Variants in CCDC171 observed in about 807,000 individuals in gnomAD.
CCDC171 encodes coiled-coil domain containing 171, also known as coiled-coil domain-containing protein 171.
A neutral mutation model predicts 168.2 loss-of-function variants in CCDC171; 177 were observed. The ratio of observed to expected loss-of-function variants is 1.05; its 90% confidence interval spans 0.93 to 1.19. The LOEUF is 1.19. Among genes scored for constraint, CCDC171 ranks in the 50% most tolerant of loss-of-function variants. The pLI is 0.00. For missense variants in CCDC171, 1,991 were observed against 1,539.0 expected (o/e 1.29, Z -4.91); for synonymous variants, 687 against 540.8 (o/e 1.27, Z -3.75).
At chr9:15,681,233 AGCTTGATGGATT>A (rs1242322425) in intron 10 of CCDC171, among the ~76,000 whole-genome samples, 1 of 152,154 alleles carries the variant, frequency 6.6e-6, no homozygotes, top group Non-Finnish European at 1.5e-5. Context: ...GTTTCTTCAA[AGCTTGATGGATT>A]GCTAAAAGCA....
intron 6 of CCDC171, among the ~76,000 whole-genome samples, chr9:15,610,898 G>A (rs2043634834): frequency 6.6e-6 from 1 of 152,016 alleles, no homozygotes; most frequent in Non-Finnish European, 1.5e-5. Context: ...TCATTTTGTA[G>A]TAGCCTCTGA....
chr9:15,957,999 T>G (rs998050733), intron 25 of CCDC171, among the ~76,000 whole-genome samples: 1 of 152,094 alleles, frequency 6.6e-6, no homozygotes, highest in African/African-American at 2.4e-5. Context: ...TTAAAGAAAA[T>G]GAAGTTAAAC....
Position 15,971,855 on chromosome 9 carries a change from T to C in CCDC171, c.*19T>C, listed in dbSNP as rs1831395567. The C allele has an allele frequency of 6.3e-7, 1 of 1,576,650 alleles. No individual in the cohort carries two copies. The highest frequency in any genetic ancestry group is 8.7e-7 in the Non-Finnish European group (1 of 1,146,748). On this transcript the variant is annotated 3_prime_UTR_variant, in exon 26 of 26. Transcript: ENST00000380701. ...ATTATGACTTCATGAAATTAAAAAATGGAGGAAGAGTTAACAGTACAATTA... is the reference window on the plus strand; with the variant it reads ...ATTATGACTTCATGAAATTAAAAAACGGAGGAAGAGTTAACAGTACAATTA...
chr9:15,783,292 T>G (rs2057761855), intron 20 of CCDC171, among the ~76,000 whole-genome samples: 3 of 152,220 alleles, frequency 2.0e-5, no homozygotes, highest in Admixed American at 6.5e-5. Context: ...CTATGCACAT[T>G]TCTATTTTTG....
At chr9:16,075,466 T>A in the CCDC171 span, among the ~76,000 whole-genome samples, 2 of 152,208 alleles carry the variant, frequency 1.3e-5, no homozygotes, top group Non-Finnish European at 2.9e-5. Flanking sequence ...GTAGTGTAAG[T>A]TGCTCAGCCT....
intron 7 of CCDC171, among the ~76,000 whole-genome samples, chr9:15,655,314 T>C (rs921108490): frequency 6.6e-6 from 1 of 152,212 alleles, no homozygotes. Context: ...AACTACCCCA[T>C]TGACAGATAG....
chr9:16,061,328 G>T (rs564481071), downstream of CCDC171: 6 of 152,102 alleles, frequency 3.9e-5, no homozygotes, highest in Non-Finnish European at 8.8e-5. Context: ...CATCTTTGAG[G>T]TTCCTTGAGC....
chr9:15,627,374 T>C (rs1345946964), intron 7 of CCDC171, among the ~76,000 whole-genome samples: 2 of 152,198 alleles, frequency 1.3e-5, no homozygotes, highest in Non-Finnish European at 2.9e-5. Context: ...TGTATGTGTT[T>C]GCTCTTGCTT....
At chr9:15,854,295 TTG>T (rs2061263000) in intron 23 of CCDC171, among the ~76,000 whole-genome samples, 1 of 151,552 alleles carries the variant, frequency 6.6e-6, no homozygotes, top group Admixed American at 6.6e-5. Context: ...ATTTCAGATT[TTG>T]TGTTTCTTTT....
the CCDC171 span, among the ~76,000 whole-genome samples, chr9:16,077,470 T>G: frequency 6.6e-6 from 1 of 152,140 alleles, no homozygotes; most frequent in Non-Finnish European, 1.5e-5. Context: ...GCCAAGCGAA[T>G]CACTTCGGCC....
chr9:15,893,656 G>A (rs571232998), intron 24 of CCDC171, among the ~76,000 whole-genome samples: 1 of 152,116 alleles, frequency 6.6e-6, no homozygotes, highest in Non-Finnish European at 1.5e-5. Context: ...AGACATACAT[G>A]TGGCCAACAA....
At chr9:15,970,304 T>C (rs1036863042) in intron 25 of CCDC171, among the ~76,000 whole-genome samples, 2 of 152,164 alleles carry the variant, frequency 1.3e-5, no homozygotes, top group Admixed American at 6.5e-5. Flanking sequence ...TTTTTACATG[T>C]AGCAACAATT....
intron 6 of CCDC171, among the ~76,000 whole-genome samples, chr9:15,601,067 G>T (rs969593727): frequency 6.6e-6 from 1 of 152,182 alleles, no homozygotes; most frequent in Non-Finnish European, 1.5e-5. Flanking sequence ...GGAATTCCCT[G>T]ACCCCTTGTG....
chr9:15,571,992 A>G (rs1346888576), intron 3 of CCDC171, among the ~76,000 whole-genome samples: 1 of 152,172 alleles, frequency 6.6e-6, no homozygotes, highest in Non-Finnish European at 1.5e-5. Flanking sequence ...ATTTTAATTA[A>G]TGGGTTCAAT....
At position 15,971,623 on chromosome 9, in the gene CCDC171, C is replaced by A. The variant is rs779748478; in HGVS notation, c.3768C>A (p.Asp1256Glu). 1 of 1,612,154 alleles carries A rather than the reference C, an allele frequency of 6.2e-7. No homozygotes were observed. The highest frequency in any genetic ancestry group is 1.1e-5 in the South Asian group (1 of 91,034). Residue 1256 changes from aspartate (D) to glutamate (E), a missense_variant, in exon 26 of 26, where the codon GAC (aspartate) becomes GAA (glutamate). By Grantham distance (45) the Asp-to-Glu change is conservative. Coordinates refer to ENST00000380701, the MANE Select transcript of CCDC171 (RefSeq NM_173550.4). The stretch of plus-strand genomic sequence containing the variant: ...GTATGTCACAGATAGGATCACGAGA[C>A]CATTCAAATCTCTCCATTCCTTCAA... ...NASLQSIGSRDHSNLSIPSRA... is the reference protein window; with the variant it reads ...NASLQSIGSREHSNLSIPSRA...
intron 25 of CCDC171, among the ~76,000 whole-genome samples, chr9:15,932,885 A>G (rs1001911692): frequency 6.6e-6 from 1 of 151,948 alleles, no homozygotes; most frequent in Non-Finnish European, 1.5e-5. Flanking sequence ...TTAATGTGGT[A>G]TATCACAGTT....
intron 10 of CCDC171, among the ~76,000 whole-genome samples, chr9:15,695,027 T>C (rs1457944799): frequency 1.3e-5 from 2 of 152,228 alleles, no homozygotes; most frequent in African/African-American, 4.8e-5. Flanking sequence ...TGCCAGGCAC[T>C]AACTCCTCAG....
chr9:15,908,890 C>T lies in CCDC171; in HGVS notation c.3601-11380C>T, dbSNP rs893016214. ...GGATCTCCGCTCATGATCCAAATAC[C>T]TCCCACCAGGTCCCGCTTCCAGCAC... On this transcript the variant is annotated intron_variant, in intron 24 of 25. Transcript: ENST00000380701. 5.3e-5 allele frequency among the ~76,000 whole-genome samples: 8 copies of T among 152,156 alleles called. No homozygotes were observed. The East Asian group carries it at 7.7e-4, about 15-fold the overall frequency.
intron 7 of CCDC171, among the ~76,000 whole-genome samples, chr9:15,653,889 G>A (rs1269919842): frequency 2.0e-5 from 3 of 152,066 alleles, no homozygotes; most frequent in Non-Finnish European, 4.4e-5. Context: ...AGTGACGGGG[G>A]CCACTGTGCC....
Sources: allele counts gnomAD v4.1 joint callset (sites outside exome capture counted in the v4.1 genomes callset), GRCh38; gene constraint gnomAD v4.1.1; transcripts MANE v1.5; gene names NCBI Gene and HGNC (gene_info 2026-07-23, HGNC 2026-07-21).